The following NEMP2 variants were observed in gnomAD, a reference collection of about 807,000 sequenced individuals.
The protein encoded by NEMP2 is nuclear envelope integral membrane protein 2.
Under a neutral mutation model 54.2 loss-of-function variants are expected in NEMP2, and 53 were observed. That is an observed-to-expected ratio of 0.98 (90% confidence interval 0.78 to 1.23). The LOEUF (loss-of-function observed/expected upper bound fraction) is 1.23, where lower values mean the gene tolerates loss of function less well. Among genes scored for constraint, NEMP2 ranks in the 50% most tolerant of loss-of-function variants. NEMP2 has a pLI of 0.00. For missense variants in NEMP2, 455 were observed against 511.3 expected (o/e 0.89, Z 1.06); for synonymous variants, 197 against 190.3 (o/e 1.04, Z -0.29).
chr2:190,488,043 T>C, the NEMP2 span, among the ~76,000 whole-genome samples: 1 of 152,110 alleles, frequency 6.6e-6, no homozygotes, highest in African/African-American at 2.4e-5. The surrounding 1 kb of genome is among the most constrained non-coding windows in gnomAD (Gnocchi z 6.4). Flanking sequence ...GCTGGGACTA[T>C]AGGCGTGCAC....
chr2:190,642,164 T>C, the NEMP2 span, among the ~76,000 whole-genome samples: 1 of 152,214 alleles, frequency 6.6e-6, no homozygotes, highest in Non-Finnish European at 1.5e-5. This position sits in a 1 kb window ranked among gnomAD's most constrained non-coding sequence, Gnocchi z 4.1. Flanking sequence ...TTGTATTTTA[T>C]AAGCACTGGT....
Position 190,519,025 on chromosome 2 carries a change from G to T in NEMP2, c.372C>A (p.Tyr124Ter), listed in dbSNP as rs1174519690. The T allele has an allele frequency of 1.3e-6, 2 of 1,551,056 alleles. No homozygotes were observed. Among genetic ancestry groups the T allele is most frequent in the Non-Finnish European group, 1.7e-6 (2 of 1,146,902 alleles). The change falls in exon 3 of 9, where the codon TAC becomes TAA. Residue 124 changes from tyrosine (Y) to a stop codon, truncating the protein, a stop_gained. Coordinates refer to ENST00000409150, the MANE Select transcript of NEMP2 (RefSeq NM_001142645.2). LOFTEE classifies it high-confidence loss of function. This position sits in a 1 kb window ranked among gnomAD's most constrained non-coding sequence, Gnocchi z 5.4. ...SNEITIIINP[Y>*]RETVCFSVEP... ...CCACAGAGAAGCACACAGTCTCCCT[G>T]TATGGATTGATGATTATGGTTATTT...
the NEMP2 span, among the ~76,000 whole-genome samples, chr2:190,451,727 A>G: frequency 2.6e-5 from 4 of 152,212 alleles, no homozygotes; most frequent in African/African-American, 9.6e-5. The surrounding 1 kb of genome is among the most constrained non-coding windows in gnomAD (Gnocchi z 5.0). Context: ...AGAAAACCAC[A>G]CATGTGAATG....
chr2:190,480,797 CA>C, the NEMP2 span, among the ~76,000 whole-genome samples: 1 of 152,138 alleles, frequency 6.6e-6, no homozygotes. Context: ...CTAATCCATG[CA>C]AAGTATTTAG....
Position 190,509,320 on chromosome 2 carries a change from G to C in NEMP2, c.1131-8C>G. 6.4e-7 allele frequency: 1 copy of C among 1,551,226 alleles called. No individual in the cohort carries two copies. The highest frequency in any genetic ancestry group is 8.7e-7 in the Non-Finnish European group (1 of 1,146,774). ...AGAACAAAGTCTGCAAATCTAACAA[G>C]TTTTTTGTTTTAAATAAAGTTAATG... On this transcript the variant is annotated splice_polypyrimidine_tract_variant and splice_region_variant and intron_variant, in intron 8 of 8. Transcript: ENST00000409150. The surrounding 1 kb of genome is among the most constrained non-coding windows in gnomAD (Gnocchi z 6.1).
chr2:190,551,431 G>A, the NEMP2 span, among the ~76,000 whole-genome samples: 32 of 146,100 alleles, frequency 2.2e-4, no homozygotes, highest in African/African-American at 7.3e-4. Flanking sequence ...AGTTTGTTTT[G>A]TTTTCTTTGC....
chr2:190,452,745 C>T, the NEMP2 span, among the ~76,000 whole-genome samples: 1 of 152,136 alleles, frequency 6.6e-6, no homozygotes, highest in African/African-American at 2.4e-5. Flanking sequence ...GATCTCCATC[C>T]CTGTAAAGTG....
At chr2:190,499,883 A>C, downstream of NEMP2, 1 of 1,558,134 alleles carries the variant, frequency 6.4e-7, no homozygotes, top group South Asian at 1.2e-5. This position sits in a 1 kb window ranked among gnomAD's most constrained non-coding sequence, Gnocchi z 6.0. Context: ...TTATTCCTCT[A>C]TTACTTGGTC....
the NEMP2 span, among the ~76,000 whole-genome samples, chr2:190,425,934 A>G: frequency 2.6e-5 from 4 of 152,166 alleles, no homozygotes; most frequent in Middle Eastern, 6.8e-3. This position sits in a 1 kb window ranked among gnomAD's most constrained non-coding sequence, Gnocchi z 4.3. Flanking sequence ...TATCATTTCA[A>G]TTGTTTTTCT....
the NEMP2 span, among the ~76,000 whole-genome samples, chr2:190,641,976 C>A: frequency 6.6e-6 from 1 of 152,234 alleles, no homozygotes; most frequent in Admixed American, 6.5e-5. Flanking sequence ...CAAATTTTAA[C>A]CACAATTACT....
the NEMP2 span, among the ~76,000 whole-genome samples, chr2:190,562,969 G>A: frequency 6.7e-6 from 1 of 149,070 alleles, no homozygotes; most frequent in Non-Finnish European, 1.5e-5. This position sits in a 1 kb window ranked among gnomAD's most constrained non-coding sequence, Gnocchi z 5.0. Context: ...CAATGTCAGT[G>A]GCAGGTTCTC....
the NEMP2 span, among the ~76,000 whole-genome samples, chr2:190,475,225 C>T: frequency 6.6e-6 from 1 of 152,148 alleles, no homozygotes; most frequent in Non-Finnish European, 1.5e-5. Flanking sequence ...GGCAATCAGG[C>T]AGGAGAAGGA....
At position 190,527,841 on chromosome 2, in the gene NEMP2, T is replaced by A. The variant is rs1398052182; in HGVS notation, c.98-2463A>T. Among the ~76,000 whole-genome samples the A allele has an allele frequency of 1.3e-5, 2 of 152,060 alleles. No homozygotes were observed. Among genetic ancestry groups the A allele is most frequent in the African/African-American group, 4.8e-5 (2 of 41,410 alleles). On this transcript the variant is annotated intron_variant, in intron 1 of 8. Coordinates refer to ENST00000409150, the MANE Select transcript of NEMP2 (RefSeq NM_001142645.2). The surrounding 1 kb of genome is among the most constrained non-coding windows in gnomAD (Gnocchi z 4.0). The stretch of plus-strand genomic sequence containing the variant: ...GAACTGAGCAACCTAGGGATCTAGG[T>A]TGCATGCTTGTTATGATAATCTAAC...
the NEMP2 span, among the ~76,000 whole-genome samples, chr2:190,577,438 A>G: frequency 6.6e-6 from 1 of 152,210 alleles, no homozygotes; most frequent in Non-Finnish European, 1.5e-5. The surrounding 1 kb of genome is among the most constrained non-coding windows in gnomAD (Gnocchi z 4.8). Context: ...TGTTCTTAAA[A>G]ATTCACATGT....
chr2:190,535,544 T>C (rs188174773), upstream of NEMP2, among the ~76,000 whole-genome samples: 151 of 152,340 alleles, frequency 9.9e-4, no homozygotes, highest in African/African-American at 3.4e-3. Context: ...CATACTTAAC[T>C]AGGACAGTCT....
chr2:190,572,639 G>C, the NEMP2 span, among the ~76,000 whole-genome samples: 1 of 151,536 alleles, frequency 6.6e-6, no homozygotes, highest in Non-Finnish European at 1.5e-5. Flanking sequence ...ATTTTATTTT[G>C]CTTTTTACTT....
At chr2:190,562,917 G>A in the NEMP2 span, among the ~76,000 whole-genome samples, 3 of 152,184 alleles carry the variant, frequency 2.0e-5, no homozygotes, top group African/African-American at 4.8e-5. This position sits in a 1 kb window ranked among gnomAD's most constrained non-coding sequence, Gnocchi z 5.0. Context: ...AGGTAACTCT[G>A]AGATCACCCT....
chr2:190,490,452 A>C, the NEMP2 span, among the ~76,000 whole-genome samples: 1 of 151,882 alleles, frequency 6.6e-6, no homozygotes, highest in African/African-American at 2.4e-5. The surrounding 1 kb of genome is among the most constrained non-coding windows in gnomAD (Gnocchi z 4.5). Context: ...AATCCCAGCT[A>C]CTCAGGAGGC....
At chr2:190,632,470 G>A in the NEMP2 span, among the ~76,000 whole-genome samples, 1 of 152,332 alleles carries the variant, frequency 6.6e-6, no homozygotes, top group Admixed American at 6.5e-5. The surrounding 1 kb of genome is among the most constrained non-coding windows in gnomAD (Gnocchi z 4.8). Context: ...ATTTATCCCA[G>A]GATGTCAACT....
Sources: allele counts gnomAD v4.1 joint callset (sites outside exome capture counted in the v4.1 genomes callset), GRCh38; gene constraint gnomAD v4.1.1; non-coding constraint Gnocchi (gnomAD v3.1); transcripts MANE v1.5; gene names NCBI Gene and HGNC (gene_info 2026-07-23, HGNC 2026-07-21).